The following NLRP3 variants were observed in gnomAD, a reference collection of about 807,000 sequenced individuals.
NLRP3 encodes NLR family pyrin domain containing 3.
Under a neutral mutation model 91.3 loss-of-function variants are expected in NLRP3, and 48 were observed. The ratio of observed to expected loss-of-function variants is 0.53; its 90% CI spans 0.42 to 0.67. The LOEUF is 0.67. NLRP3 is among the 30% of genes least tolerant of loss of function. NLRP3 has a pLI of 0.00. For synonymous variants in NLRP3, 561 were observed against 507.9 expected (o/e 1.10, Z -1.41); for missense variants, 982 against 1,276.9 (o/e 0.77, Z 3.52).
At chr1:247,426,695 G>A (rs377708966) in intron 4 of NLRP3, among the ~76,000 whole-genome samples, 1 of 152,368 alleles carries the variant, frequency 6.6e-6, no homozygotes, top group African/African-American at 2.4e-5. Context: ...AGGTCTGGCT[G>A]TGGGACAGTC....
chr1:247,421,005 G>A (rs1420090260), intron 2 of NLRP3, among the ~76,000 whole-genome samples: 3 of 152,226 alleles, frequency 2.0e-5, no homozygotes, highest in South Asian at 2.1e-4. Flanking sequence ...CTATGGCCCA[G>A]AGGGCAGCCT....
In NLRP3 at chr1:247,443,766, G is replaced by A. The variant is rs148437545; in HGVS notation, c.2664-206G>A. 1.8e-4 allele frequency: 107 copies of A among 602,318 alleles called. No homozygotes were observed. In the East Asian group the frequency reaches 2.6e-3, roughly 15 times the overall value. 37.3% of individuals were successfully genotyped at this position (602,318 alleles called of 1,614,324 possible). On this transcript the variant is annotated intron_variant, in intron 7 of 9. Coordinates refer to ENST00000336119, the MANE Select transcript of NLRP3 (RefSeq NM_001243133.2). ...CTTTCTGTCGGACTCATACAGCAAAGCATCTGCTGAGACATCATTTGTGTC... is the reference window on the plus strand; with the variant it reads ...CTTTCTGTCGGACTCATACAGCAAAACATCTGCTGAGACATCATTTGTGTC...
rs1662807599 is a variant in NLRP3, at chr1:247,425,522, G to A, written c.2073G>A (p.Glu691=). ...FLHNMPKEEE[E]EEKEGRHLDM... ...ATAACATGCCCAAGGAGGAAGAGGA[G>A]GAGGAAAAGGAAGGCCGACACCTTG... The change falls in exon 4 of 10, where the codon GAG becomes GAA. Residue 691 remains glutamate (E), a synonymous_variant. Coordinates refer to ENST00000336119, the MANE Select transcript of NLRP3 (RefSeq NM_001243133.2). This position sits in a 1 kb window ranked among gnomAD's most constrained non-coding sequence, Gnocchi z 4.1. 6.2e-7 allele frequency: 1 copy of A among 1,613,954 alleles called. No individual in the cohort carries two copies. The highest frequency in any genetic ancestry group is 1.1e-5 in the South Asian group (1 of 91,082).
chr1:247,434,205 C>T lies in NLRP3; in HGVS notation c.2424C>T (p.Leu808=), dbSNP rs147154764. 137 of 1,614,246 alleles carry T rather than the reference C, an allele frequency of 8.5e-5. 1 individual carries two copies. In the Middle Eastern group the frequency reaches 1.3e-3, roughly 16 times the overall value. ...AGCTGGACCTGAGTGACAACGCCCT[C>T]GGTGACTTCGGAATCAGACTTCTGT... The part of the protein sequence containing the change: ...LVELDLSDNA[L]GDFGIRLLCV... Residue 808 remains leucine, a synonymous_variant, in exon 6 of 10, where the codon CTC becomes CTT. Coordinates refer to ENST00000336119, the MANE Select transcript of NLRP3 (RefSeq NM_001243133.2).
At chr1:247,443,194 G>A (rs1179418682) in intron 7 of NLRP3, among the ~76,000 whole-genome samples, 1 of 152,066 alleles carries the variant, frequency 6.6e-6, no homozygotes, top group Non-Finnish European at 1.5e-5. Context: ...ACCTCCCAAA[G>A]TGCTGGGATT....
chr1:247,447,908 C>T (rs1447397991), intron 9 of NLRP3, among the ~76,000 whole-genome samples: 3 of 152,038 alleles, frequency 2.0e-5, no homozygotes, highest in African/African-American at 2.4e-5. Context: ...GGGTAATGGA[C>T]ACAGGGGGTT....
chr1:247,443,826 C>T (rs565902079), intron 7 of NLRP3, 146 bp from the exon 8 acceptor site: 30 of 759,806 alleles, frequency 3.9e-5, no homozygotes, highest in South Asian at 2.6e-4. Context: ...GTCTTGCTCT[C>T]CCCAGATCAT....
intron 2 of NLRP3, among the ~76,000 whole-genome samples, 160 bp downstream of exon 2, chr1:247,419,237 C>A (rs531424496): frequency 1.3e-5 from 2 of 151,760 alleles, no homozygotes; most frequent in South Asian, 4.2e-4. Context: ...TCACTGCAAC[C>A]TCCACCTCCC....
intron 9 of NLRP3, among the ~76,000 whole-genome samples, chr1:247,447,068 T>C (rs544168595): frequency 6.6e-6 from 1 of 152,310 alleles, no homozygotes; most frequent in African/African-American, 2.4e-5. Context: ...CAAAATAGAT[T>C]GAAGAATCCA....
rs150907298 is a variant in NLRP3 at position 247,434,285 on chromosome 1, C to A, written c.2492+12C>A. ...CTGAAGAAGCTCTGGTGAGTCGAGC[C>A]CGTTCCCCTAAGGAAGTTCTGCCAG... On this transcript the variant is annotated intron_variant, in intron 6 of 9. Coordinates refer to ENST00000336119, the MANE Select transcript of NLRP3 (RefSeq NM_001243133.2). 1.5e-5 allele frequency: 25 copies of A among 1,614,030 alleles called. No homozygotes were observed. The Middle Eastern group carries it at 9.9e-4, about 64-fold the overall frequency.
At position 247,444,704 on chromosome 1, in the gene NLRP3, TGAC is replaced by T. The variant is rs757428413; in HGVS notation, c.2889_2891del (p.Thr964del). ...TGCTGCTGGGATCTTTCCACACTTC[TGAC>T]CTCCAGCCAGAGCCTGCGAAAGCTG... On this transcript the variant is annotated inframe_deletion, in exon 9 of 10. Transcript: ENST00000336119. 1 of 1,614,040 alleles carries T rather than the reference TGAC, an allele frequency of 6.2e-7. No individual in the cohort carries two copies. Among genetic ancestry groups the T allele is most frequent in the Non-Finnish European group, 8.5e-7 (1 of 1,180,036 alleles).
chr1:247,442,299 T>C (rs1664291809), intron 7 of NLRP3, among the ~76,000 whole-genome samples: 1 of 152,194 alleles, frequency 6.6e-6, no homozygotes, highest in South Asian at 2.1e-4. Flanking sequence ...TCCTGCCTCG[T>C]AGACACCAAA....
At chr1:247,433,044 A>G (rs954418643) in intron 5 of NLRP3, among the ~76,000 whole-genome samples, 2 of 151,818 alleles carry the variant, frequency 1.3e-5, no homozygotes, top group African/African-American at 4.8e-5. Flanking sequence ...AAAATAAAAT[A>G]TAAATAAAAT....
intron 7 of NLRP3, among the ~76,000 whole-genome samples, chr1:247,442,809 G>A (rs1415485377): frequency 1.3e-5 from 2 of 152,232 alleles, no homozygotes; most frequent in African/African-American, 4.8e-5. Context: ...AGTGGCTCAT[G>A]CCTGTAATCC....
chr1:247,424,781 C>T lies in NLRP3; in HGVS notation c.1332C>T (p.Phe444=), dbSNP rs1662742297. 6.2e-7 allele frequency: 1 copy of T among 1,611,496 alleles called. No individual in the cohort carries two copies. The highest frequency in any genetic ancestry group is 8.5e-7 in the Non-Finnish European group (1 of 1,180,028). The change falls in exon 4 of 10, where the codon TTC becomes TTT. Residue 444 remains phenylalanine, a synonymous_variant. Coordinates refer to ENST00000336119, the MANE Select transcript of NLRP3 (RefSeq NM_001243133.2). This position sits in a 1 kb window ranked among gnomAD's most constrained non-coding sequence, Gnocchi z 8.1. ...CCACCACCGCGGTGTACGTCTTCTT[C>T]CTTTCCAGTTTGCTGCAGCCCCGGG... ...SKTTTAVYVF[F]LSSLLQPRGG... is the part of the protein sequence containing the mutation.
chr1:247,421,610 C>A (rs979299075), intron 2 of NLRP3, among the ~76,000 whole-genome samples: 2 of 152,140 alleles, frequency 1.3e-5, no homozygotes, highest in African/African-American at 4.8e-5. Context: ...CTGGTATTAT[C>A]CCTCCTGCAA....
Position 247,444,838 on chromosome 1 carries a change from G to C in NLRP3, c.3005+17G>C. 1 of 1,613,152 alleles carries C rather than the reference G, an allele frequency of 6.2e-7. No homozygotes were observed. The highest frequency in any genetic ancestry group is 8.5e-7 in the Non-Finnish European group (1 of 1,179,798). On this transcript the variant is annotated intron_variant, in intron 9 of 9. Coordinates refer to ENST00000336119, the MANE Select transcript of NLRP3 (RefSeq NM_001243133.2). ...GAACCTGGGGTGAGTGTGCTCTGCA[G>C]AGATGCCCGTGGTGGGACTCTGAGT...
intron 7 of NLRP3, among the ~76,000 whole-genome samples, chr1:247,442,437 C>T (rs1389813984): frequency 6.6e-6 from 1 of 152,108 alleles, no homozygotes; most frequent in Non-Finnish European, 1.5e-5. Flanking sequence ...TTTTAGAGCT[C>T]TTATGCTCTT....
chr1:247,423,736 T>G, intron 3 of NLRP3, 111 bp from the exon 4 acceptor site: 2 of 967,746 alleles, frequency 2.1e-6, no homozygotes, highest in South Asian at 2.8e-5. Context: ...AGCTGCACCT[T>G]CCATTTCTCC....
Sources: allele counts gnomAD v4.1 joint callset (sites outside exome capture counted in the v4.1 genomes callset), GRCh38; gene constraint gnomAD v4.1.1; non-coding constraint Gnocchi (gnomAD v3.1); transcripts MANE v1.5; gene names NCBI Gene and HGNC (gene_info 2026-07-23, HGNC 2026-07-21).